Variants in THSD7B observed in about 807,000 individuals in gnomAD.
The protein encoded by THSD7B is thrombospondin type 1 domain containing 7B, also known as thrombospondin type-1 domain-containing protein 7B.
THSD7B carries 138 observed loss-of-function variants against 213.6 expected under a neutral mutation model. That is an observed-to-expected ratio of 0.65 (90% confidence interval 0.56 to 0.74). The LOEUF (loss-of-function observed/expected upper bound fraction) is 0.74. THSD7B is among the 30% of genes least tolerant of loss of function. The pLI, the probability that THSD7B is intolerant of heterozygous loss-of-function variation, is 0.00. For synonymous variants in THSD7B, 742 were observed against 687.0 expected (o/e 1.08, Z -1.25); for missense variants, 1,931 against 1,991.5 (o/e 0.97, Z 0.58).
intron 1 of THSD7B, among the ~76,000 whole-genome samples, chr2:136,853,641 G>T (rs1216454425): frequency 6.6e-6 from 1 of 152,114 alleles, no homozygotes; most frequent in Non-Finnish European, 1.5e-5. Context: ...GGGAGATACT[G>T]CCGTATTATG....
chr2:136,767,825 G>T (rs1385988768), intron 1 of THSD7B, among the ~76,000 whole-genome samples: 1 of 152,072 alleles, frequency 6.6e-6, no homozygotes, highest in African/African-American at 2.4e-5. Context: ...TGTTTTGAGG[G>T]TTCATAATAC....
intron 12 of THSD7B, among the ~76,000 whole-genome samples, chr2:137,394,677 A>T (rs1686128177): frequency 7.2e-6 from 1 of 138,960 alleles, no homozygotes; most frequent in African/African-American, 2.7e-5. Flanking sequence ...ACTTTAAAAT[A>T]GTTTTTTCCA....
At chr2:136,998,262 A>C (rs1685930556) in intron 2 of THSD7B, among the ~76,000 whole-genome samples, 3 of 38,816 alleles carry the variant, frequency 7.7e-5, no homozygotes, top group Non-Finnish European at 1.3e-4. Context: ...CTAAAAGGCC[A>C]AAAAAAAAAA....
At chr2:137,248,882 G>GT (rs1486162900) in intron 10 of THSD7B, among the ~76,000 whole-genome samples, 38 of 152,282 alleles carry the variant, frequency 2.5e-4, no homozygotes, top group Admixed American at 4.6e-4. Flanking sequence ...TTTCCAAAGA[G>GT]TTTTTTGAGA....
chr2:136,826,063 A>G (rs1199156649), intron 1 of THSD7B, among the ~76,000 whole-genome samples: 5 of 152,278 alleles, frequency 3.3e-5, no homozygotes, highest in African/African-American at 1.2e-4. Context: ...AGATTCCCCA[A>G]TGTCGTGACA....
At chr2:137,368,079 T>C (rs746659023) in intron 12 of THSD7B, among the ~76,000 whole-genome samples, 9 of 152,050 alleles carry the variant, frequency 5.9e-5, no homozygotes, top group Non-Finnish European at 1.3e-4. Context: ...CTTTTCTTGA[T>C]GGAGTTTGTT....
At chr2:137,100,259 A>G (rs1688124392) in intron 4 of THSD7B, among the ~76,000 whole-genome samples, 1 of 152,080 alleles carries the variant, frequency 6.6e-6, no homozygotes, top group Admixed American at 6.6e-5. Context: ...TGTGTTGTGA[A>G]GGGATGTTTG....
chr2:137,468,812 C>A (rs1688041499), intron 15 of THSD7B, among the ~76,000 whole-genome samples: 1 of 151,878 alleles, frequency 6.6e-6, no homozygotes, highest in Non-Finnish European at 1.5e-5. Context: ...TTTACATTAC[C>A]CTCTACATCA....
chr2:137,020,147 G>C (rs1193456476), intron 2 of THSD7B, among the ~76,000 whole-genome samples: 1 of 152,140 alleles, frequency 6.6e-6, no homozygotes, highest in Admixed American at 6.6e-5. Flanking sequence ...CAGGCAGTGT[G>C]GTTCTAACTA....
chr2:137,111,962 T>C (rs986387339), intron 4 of THSD7B, among the ~76,000 whole-genome samples: 2 of 152,002 alleles, frequency 1.3e-5, no homozygotes, highest in African/African-American at 4.8e-5. Context: ...AGTTGGGAGA[T>C]GGGAGGTTGA....
At chr2:137,100,141 G>A (rs1688122565) in intron 4 of THSD7B, among the ~76,000 whole-genome samples, 1 of 151,948 alleles carries the variant, frequency 6.6e-6, no homozygotes, top group Non-Finnish European at 1.5e-5. Context: ...GGTATTAGTT[G>A]ATGAATTTTT....
intron 2 of THSD7B, among the ~76,000 whole-genome samples, chr2:136,923,028 T>A (rs1684460885): frequency 6.6e-6 from 1 of 152,232 alleles, no homozygotes; most frequent in Non-Finnish European, 1.5e-5. Flanking sequence ...TAGTGTTAAG[T>A]ACATACACAT....
chr2:136,957,962 T>C (rs1282845997), intron 2 of THSD7B, among the ~76,000 whole-genome samples: 1 of 152,212 alleles, frequency 6.6e-6, no homozygotes, highest in Non-Finnish European at 1.5e-5. Context: ...AATAGTTATT[T>C]GTATGTAGCA....
chr2:137,143,491 A>G (rs374072024), intron 5 of THSD7B, among the ~76,000 whole-genome samples: 1 of 152,126 alleles, frequency 6.6e-6, no homozygotes, highest in East Asian at 1.9e-4. Flanking sequence ...GGTGTGTCTT[A>G]TTTGACAGTG....
At chr2:137,520,345 G>T (rs2105165467) in intron 15 of THSD7B, among the ~76,000 whole-genome samples, 1 of 152,240 alleles carries the variant, frequency 6.6e-6, no homozygotes, top group South Asian at 2.1e-4. Flanking sequence ...GAATAGAATT[G>T]AATTTTTATT....
chr2:137,289,452 A>G (rs557401362), intron 12 of THSD7B, among the ~76,000 whole-genome samples: 8 of 152,136 alleles, frequency 5.3e-5, no homozygotes, highest in Admixed American at 2.0e-4. Context: ...TAAGATCTTT[A>G]TGCTATTTAA....
At chr2:136,978,564 G>T (rs7567509) in intron 2 of THSD7B, among the ~76,000 whole-genome samples, 70,195 of 151,462 alleles carry the variant, frequency 0.46, 18,878 homozygotes, top group East Asian at 0.78. Flanking sequence ...TGTCTCTTTT[G>T]GATCTTTGTT....
At chr2:136,967,768 T>C (rs1408405968) in intron 2 of THSD7B, among the ~76,000 whole-genome samples, 1 of 152,194 alleles carries the variant, frequency 6.6e-6, no homozygotes, top group African/African-American at 2.4e-5. Flanking sequence ...CTTTCCTTGA[T>C]GTTTGTAATA....
intron 2 of THSD7B, among the ~76,000 whole-genome samples, chr2:136,898,085 G>C (rs1683995360): frequency 6.6e-6 from 1 of 152,184 alleles, no homozygotes; most frequent in Non-Finnish European, 1.5e-5. Context: ...TGCATTTACA[G>C]TCCTCTAGCT....
Sources: allele counts gnomAD v4.1 joint callset (sites outside exome capture counted in the v4.1 genomes callset), GRCh38; gene constraint gnomAD v4.1.1; transcripts MANE v1.5; gene names NCBI Gene and HGNC (gene_info 2026-07-23, HGNC 2026-07-21).